Variants in USP34 observed in about 807,000 individuals in gnomAD.
The protein encoded by USP34 is ubiquitin specific peptidase 34.
Under a neutral mutation model 460.3 loss-of-function variants are expected in USP34, and 70 were observed. The ratio of observed to expected loss-of-function variants is 0.15; its 90% CI spans 0.13 to 0.19. The LOEUF (loss-of-function observed/expected upper bound fraction) is 0.19, where lower values mean the gene tolerates loss of function less well. USP34 is among the 10% of genes least tolerant of loss of function. The pLI is 1.00. For missense variants in USP34, 3,985 were observed against 4,236.2 expected (o/e 0.94, Z 1.65); for synonymous variants, 1,647 against 1,405.3 (o/e 1.17, Z -3.85).
rs1186193352 is a variant in USP34, at chr2:61,204,272, A to G, written c.9368T>C (p.Met3123Thr). 4 of 1,614,196 alleles carry G rather than the reference A, an allele frequency of 2.5e-6. No individual in the cohort carries two copies. The South Asian group carries it at 4.4e-5, about 18-fold the overall frequency. The change falls in exon 74 of 80, where the codon ATG becomes ACG. Residue 3123 changes from methionine (M) to threonine (T), a missense_variant. By Grantham distance (81) the Met-to-Thr change is moderately conservative. Around this residue, in one of 14 missense-constraint regions of USP34, gnomAD observed 275 missense variants for 292.7 expected, o/e 0.94. Transcript: ENST00000398571. ...PELNMCLLPT[M>T]VETSKGKDDV... is the part of the protein sequence containing the mutation. ...CCAACATACCTTACTGGTTTCCACC[A>G]TTGTGGGCAAGAGGCACATATTGAG...
intron 53 of USP34, among the ~76,000 whole-genome samples, chr2:61,238,824 C>T (rs1301532236): frequency 6.6e-6 from 1 of 152,094 alleles, no homozygotes; most frequent in African/African-American, 2.4e-5. Flanking sequence ...TTTGCAGATG[C>T]TGTATTTTTA....
chr2:61,319,496 T>C (rs1690848211), intron 21 of USP34, among the ~76,000 whole-genome samples, 169 bp from the exon 22 acceptor site: 1 of 151,632 alleles, frequency 6.6e-6, no homozygotes, highest in African/African-American at 2.4e-5. Context: ...CATATGTTAA[T>C]TGATATAAAT....
chr2:61,373,297 G>T lies in USP34; in HGVS notation c.1077-2718C>A, dbSNP rs577101793. On this transcript the variant is annotated intron_variant, in intron 8 of 79. Coordinates refer to ENST00000398571, the MANE Select transcript of USP34 (RefSeq NM_014709.4). The stretch of plus-strand genomic sequence containing the variant: ...ACACAGAAAACCAACAGCAAAATGA[G>T]ATGTAAAACAAGCTATATAAAATTA... Among the ~76,000 whole-genome samples the T allele has an allele frequency of 8.6e-5, 13 of 150,538 alleles. No individual in the cohort carries two copies. In the East Asian group the frequency reaches 2.5e-3, roughly 29 times the overall value.
intron 6 of USP34, among the ~76,000 whole-genome samples, chr2:61,380,587 T>A (rs1692940455): frequency 1.5e-5 from 2 of 134,462 alleles, no homozygotes; most frequent in African/African-American, 5.5e-5. Context: ...GATTACAAAA[T>A]GGCCACAAAT....
Position 61,190,602 on chromosome 2 carries a change from T to G in USP34, c.9645A>C (p.Glu3215Asp), listed in dbSNP as rs200141447. ...KLLCEDPVFA[E>D]YIKCILMDER... ...CATCCATTAGGATACATTTAATATA[T>G]TCTGCGAAAACAGGATCTTCACACA... The change falls in exon 77 of 80, where the codon GAA becomes GAC. Residue 3215 changes from glutamate to aspartate, a missense_variant. Around this residue, in one of 14 missense-constraint regions of USP34, gnomAD observed 506 missense variants for 439.0 expected, o/e 1.15. Coordinates refer to ENST00000398571, the MANE Select transcript of USP34 (RefSeq NM_014709.4). 7.4e-6 allele frequency: 12 copies of G among 1,614,114 alleles called. No homozygotes were observed. The highest frequency in any genetic ancestry group is 1.0e-5 in the Non-Finnish European group (12 of 1,179,986).
intron 1 of USP34, among the ~76,000 whole-genome samples, chr2:61,446,035 C>T (rs1389773827): frequency 6.7e-6 from 1 of 150,012 alleles, no homozygotes; most frequent in Non-Finnish European, 1.5e-5. Flanking sequence ...ATCACCTGAA[C>T]CCAGGAAGGC....
At chr2:61,458,562 A>G (rs1386623737) in intron 1 of USP34, among the ~76,000 whole-genome samples, 2 of 19,412 alleles carry the variant, frequency 1.0e-4, no homozygotes, top group Admixed American at 8.1e-4. Context: ...ACTGTCTCAG[A>G]AAAAAAAAAA....
chr2:61,434,814 C>A (rs1694769018), intron 1 of USP34, among the ~76,000 whole-genome samples: 1 of 151,150 alleles, frequency 6.6e-6, no homozygotes, highest in Non-Finnish European at 1.5e-5. Flanking sequence ...GAGAAATCAA[C>A]AGAGAAAAAA....
chr2:61,371,831 T>A (rs1270506668), intron 8 of USP34, among the ~76,000 whole-genome samples: 1 of 152,132 alleles, frequency 6.6e-6, no homozygotes, highest in African/African-American at 2.4e-5. Flanking sequence ...GCAGGTTTTT[T>A]ACATTATTTT....
At chr2:61,217,661 A>G (rs1416277811) in intron 67 of USP34, among the ~76,000 whole-genome samples, 2 of 152,232 alleles carry the variant, frequency 1.3e-5, no homozygotes, top group African/African-American at 2.4e-5. Context: ...TACTGACATT[A>G]AAAGGGCAAA....
chr2:61,401,765 A>G (rs1348348084), intron 3 of USP34, among the ~76,000 whole-genome samples: 1 of 139,634 alleles, frequency 7.2e-6, no homozygotes, highest in Non-Finnish European at 1.5e-5. Flanking sequence ...TTACCGTGTT[A>G]GCCAGGATGG....
At chr2:61,389,920 C>T (rs990514415) in intron 5 of USP34, among the ~76,000 whole-genome samples, 1 of 151,886 alleles carries the variant, frequency 6.6e-6, no homozygotes, top group Non-Finnish European at 1.5e-5. Context: ...CTGCATCAAA[C>T]CTAGTTCTGA....
chr2:61,344,357 A>G (rs1691696242), intron 15 of USP34, among the ~76,000 whole-genome samples: 1 of 152,194 alleles, frequency 6.6e-6, no homozygotes, highest in Non-Finnish European at 1.5e-5. Context: ...TGAAACCATA[A>G]AAAGTGTGGT....
intron 2 of USP34, chr2:61,416,932 T>C: frequency 8.5e-7 from 1 of 1,170,524 alleles, no homozygotes; most frequent in Non-Finnish European, 1.2e-6. Context: ...AATGGCGACA[T>C]ACTTGACCCC....
At chr2:61,393,801 GGTT>G (rs1160409097) in intron 5 of USP34, among the ~76,000 whole-genome samples, 1 of 152,138 alleles carries the variant, frequency 6.6e-6, no homozygotes, top group Non-Finnish European at 1.5e-5. Flanking sequence ...GACCAGAATA[GGTT>G]ATTAAAGAAT....
chr2:61,385,254 A>T (rs538662523), intron 5 of USP34, among the ~76,000 whole-genome samples: 2 of 152,234 alleles, frequency 1.3e-5, no homozygotes, highest in African/African-American at 4.8e-5. Context: ...GACATTTGCC[A>T]TATTTATTGT....
rs60152908 is a variant in USP34 at position 61,239,300 on chromosome 2, T to TCACACACACACACACA, written c.6777+2244_6777+2259dup. Among the ~76,000 whole-genome samples the TCACACACACACACACA allele has an allele frequency of 2.0e-4, 27 of 132,850 alleles. 1 individual carries two copies. Among genetic ancestry groups the TCACACACACACACACA allele is most frequent in the East Asian group, 2.3e-4 (1 of 4,334 alleles). 87.2% of individuals were successfully genotyped at this position (132,850 alleles called of 152,430 possible). ...TTCCTCACTTTAAATGAGGGCCCTGTCACACACACACACACACACACACAC... is the reference window on the plus strand; with the variant it reads ...TTCCTCACTTTAAATGAGGGCCCTGTCACACACACACACACACACACACACACACACACACACACAC... On this transcript the variant is annotated intron_variant, in intron 53 of 79. Coordinates refer to ENST00000398571, the MANE Select transcript of USP34 (RefSeq NM_014709.4).
intron 27 of USP34, among the ~76,000 whole-genome samples, chr2:61,303,098 ACT>A (rs1690279605): frequency 6.6e-6 from 1 of 151,566 alleles, no homozygotes; most frequent in South Asian, 2.1e-4. Flanking sequence ...ACGGAGTGTC[ACT>A]CTGTCACCCA....
chr2:61,278,522 C>T (rs948042909), intron 39 of USP34, 79 bp from the exon 40 acceptor site: 69 of 1,118,856 alleles, frequency 6.2e-5, no homozygotes, highest in Non-Finnish European at 7.6e-5. Context: ...AAATCATTTC[C>T]TTATAGGTAA....
Sources: allele counts gnomAD v4.1 joint callset (sites outside exome capture counted in the v4.1 genomes callset), GRCh38; gene constraint gnomAD v4.1.1; regional missense constraint gnomAD v4.1.1; transcripts MANE v1.5; gene names NCBI Gene and HGNC (gene_info 2026-07-23, HGNC 2026-07-21).